Variants in RBFOX2 observed in about 807,000 individuals in gnomAD.
RBFOX2 encodes the protein RNA binding fox-1 homolog 2.
A neutral mutation model predicts 49.1 loss-of-function variants in RBFOX2; 10 were observed. That is an observed-to-expected ratio of 0.20 (90% CI 0.13 to 0.35). The LOEUF (loss-of-function observed/expected upper bound fraction) is 0.35, where lower values mean the gene tolerates loss of function less well. RBFOX2 is among the 10% of genes least tolerant of loss of function. RBFOX2 has a pLI of 1.00. For synonymous variants in RBFOX2, 183 were observed against 187.4 expected (o/e 0.98, Z 0.19); for missense variants, 323 against 486.9 (o/e 0.66, Z 3.17).
chr22:35,974,126 G>C (rs1165731387), intron 1 of RBFOX2, among the ~76,000 whole-genome samples: 1 of 152,164 alleles, frequency 6.6e-6, no homozygotes, highest in Non-Finnish European at 1.5e-5. Context: ...TCCCAAACCA[G>C]CTCTAAACAA....
exon 12 of RBFOX2, chr22:35,744,018 G>A: frequency 2.2e-6 from 1 of 463,546 alleles, no homozygotes; most frequent in South Asian, 1.1e-4. Context: ...AAATTTAAAG[G>A]AAAAATACAT....
rs1934248822 is a variant in RBFOX2, at chr22:35,749,839, C to A, written c.888-3278G>T. 6.6e-6 allele frequency among the ~76,000 whole-genome samples: 1 copy of A among 152,058 alleles called. No individual in the cohort carries two copies. Among genetic ancestry groups the A allele is most frequent in the African/African-American group, 2.4e-5 (1 of 41,394 alleles). On this transcript the variant is annotated intron_variant, in intron 9 of 11. Transcript: ENST00000405409. The surrounding 1 kb of genome is among the most constrained non-coding windows in gnomAD (Gnocchi z 4.1). Reference sequence around the variant, plus strand: ...TTCAGGCGTGGGGAGGGATATGGCGCCACATTTATTAATCACATTAAAAAC... The same window carrying A: ...TTCAGGCGTGGGGAGGGATATGGCGACACATTTATTAATCACATTAAAAAC...
intron 1 of RBFOX2, among the ~76,000 whole-genome samples, chr22:35,980,636 C>T (rs374351761): frequency 4.9e-4 from 3 of 6,138 alleles, no homozygotes; most frequent in Admixed American, 1.2e-3. Flanking sequence ...TCAATTGGGG[C>T]GGGGGTGGGG....
chr22:35,818,145 T>C (rs1953577330), intron 1 of RBFOX2, among the ~76,000 whole-genome samples: 1 of 152,204 alleles, frequency 6.6e-6, no homozygotes, highest in South Asian at 2.1e-4. Context: ...ACAAACCCTG[T>C]AATAGTCTTA....
chr22:35,755,555 G>A (rs763458899), intron 9 of RBFOX2, among the ~76,000 whole-genome samples: 4 of 152,100 alleles, frequency 2.6e-5, no homozygotes, highest in Non-Finnish European at 4.4e-5. Context: ...TGCTGGCATC[G>A]GTTCCTTATT....
At chr22:35,776,463 CATTCTACAAAG>C in intron 4 of RBFOX2, among the ~76,000 whole-genome samples, 1 of 152,240 alleles carries the variant, frequency 6.6e-6, no homozygotes, top group Non-Finnish European at 1.5e-5. Context: ...AGTGTTGATA[CATTCTACAAAG>C]GAAGGGAATA....
chr22:36,017,593 A>G (rs527669952), intron 1 of RBFOX2, among the ~76,000 whole-genome samples: 5 of 152,302 alleles, frequency 3.3e-5, no homozygotes, highest in African/African-American at 1.2e-4. Flanking sequence ...TTGAGAAGAG[A>G]AAGGTTAAGG....
chr22:35,769,152 A>G (rs908411300), intron 4 of RBFOX2, among the ~76,000 whole-genome samples: 1 of 152,200 alleles, frequency 6.6e-6, no homozygotes, highest in African/African-American at 2.4e-5. Context: ...ATTGATGTTT[A>G]TACCTGCTAT....
At chr22:35,868,474 G>C (rs2043948600) in intron 1 of RBFOX2, among the ~76,000 whole-genome samples, 1 of 152,110 alleles carries the variant, frequency 6.6e-6, no homozygotes, top group Non-Finnish European at 1.5e-5. Flanking sequence ...TAATAGGCAG[G>C]CGTGGTGGCT....
chr22:35,886,675 G>A (rs894093232), intron 1 of RBFOX2, among the ~76,000 whole-genome samples: 10 of 152,186 alleles, frequency 6.6e-5, no homozygotes, highest in Admixed American at 1.3e-4. Flanking sequence ...ACAGAGAAGG[G>A]ACAGTAAAGA....
chr22:35,796,889 A>G (rs1005324987), intron 2 of RBFOX2, among the ~76,000 whole-genome samples: 2 of 152,166 alleles, frequency 1.3e-5, no homozygotes, highest in African/African-American at 4.8e-5. Context: ...TCAAAATTCT[A>G]ATTTCTACCA....
intron 1 of RBFOX2, among the ~76,000 whole-genome samples, chr22:35,865,703 A>T (rs547652577): frequency 7.2e-5 from 11 of 152,300 alleles, no homozygotes; most frequent in Non-Finnish European, 1.5e-4. Context: ...CTGCAAATAG[A>T]TGAGTATGAT....
chr22:35,863,264 C>G (rs1430925714), intron 1 of RBFOX2, among the ~76,000 whole-genome samples: 1 of 151,696 alleles, frequency 6.6e-6, no homozygotes, highest in African/African-American at 2.4e-5. Flanking sequence ...TGTTACATTT[C>G]TGTAACATAA....
intron 2 of RBFOX2, among the ~76,000 whole-genome samples, chr22:35,801,158 T>G (rs1949712578): frequency 6.6e-6 from 1 of 152,208 alleles, no homozygotes. Flanking sequence ...ATATTGTTTG[T>G]GAAAGCAATT....
chr22:35,752,638 G>T lies in RBFOX2; in HGVS notation c.888-6077C>A, dbSNP rs578130764. ...CTGAGGTATTTTAGCGCTAATGATT[G>T]GTTCCTGTAAGACTATTCTATAACA... is the stretch of plus-strand genomic sequence containing the variant. On this transcript the variant is annotated intron_variant, in intron 9 of 11. Coordinates refer to ENST00000405409, the Ensembl canonical transcript of RBFOX2. 46 of 984,096 alleles carry T rather than the reference G, an allele frequency of 4.7e-5. No individual in the cohort carries two copies. The African/African-American group carries it at 7.3e-4, about 16-fold the overall frequency. 61.0% of individuals were successfully genotyped at this position (984,096 alleles called of 1,614,324 possible).
intron 11 of RBFOX2, among the ~76,000 whole-genome samples, chr22:35,744,514 C>T (rs1280641045): frequency 1.3e-5 from 2 of 152,176 alleles, no homozygotes; most frequent in Admixed American, 6.5e-5. Flanking sequence ...TGAATTAGCA[C>T]AGAAGGGAAA....
chr22:35,945,862 G>T (rs1281105243), intron 1 of RBFOX2, among the ~76,000 whole-genome samples: 1 of 152,060 alleles, frequency 6.6e-6, no homozygotes, highest in African/African-American at 2.4e-5. Context: ...CTAACAACAT[G>T]GTCCCAACAT....
rs1038235546 is a variant in RBFOX2 at position 35,759,357 on chromosome 22, T to C, written c.887+531A>G. Among the ~76,000 whole-genome samples, 8 of 152,208 alleles carry C rather than the reference T, an allele frequency of 5.3e-5. No individual in the cohort carries two copies. Among genetic ancestry groups the C allele is most frequent in the Non-Finnish European group, 1.2e-4 (8 of 68,038 alleles). On this transcript the variant is annotated intron_variant, in intron 9 of 11. Coordinates refer to ENST00000405409, the Ensembl canonical transcript of RBFOX2. This position sits in a 1 kb window ranked among gnomAD's most constrained non-coding sequence, Gnocchi z 4.6. ...AATTGGACTTGGTTCATCTTAGAATTAACCTCTTTTAATCCGTTTCCTACA... is the reference window on the plus strand; with the variant it reads ...AATTGGACTTGGTTCATCTTAGAATCAACCTCTTTTAATCCGTTTCCTACA...
chr22:35,827,972 C>T (rs1456348497), intron 1 of RBFOX2, among the ~76,000 whole-genome samples: 7 of 152,000 alleles, frequency 4.6e-5, no homozygotes, highest in Non-Finnish European at 1.0e-4. Flanking sequence ...TTCGACCTGG[C>T]CAACAAGGTG....
Sources: allele counts gnomAD v4.1 joint callset (sites outside exome capture counted in the v4.1 genomes callset), GRCh38; gene constraint gnomAD v4.1.1; non-coding constraint Gnocchi (gnomAD v3.1); transcripts MANE v1.5; gene names NCBI Gene and HGNC (gene_info 2026-07-23, HGNC 2026-07-21).